The following ZBTB11 variants were observed in gnomAD, a reference collection of about 807,000 sequenced individuals.
The protein encoded by ZBTB11 is zinc finger and BTB domain-containing protein 11.
ZBTB11 carries 68 observed loss-of-function variants against 113.1 expected under a neutral mutation model. The observed-to-expected ratio is 0.60, with a 90% CI of 0.49 to 0.74. ZBTB11 has a LOEUF of 0.74. Among genes scored for constraint, ZBTB11 ranks in the 30% least tolerant of loss-of-function variants. The pLI is 0.00. For synonymous variants in ZBTB11, 518 were observed against 452.6 expected, an observed-to-expected ratio of 1.14 and a Z score of -1.83; for missense variants, 1,104 against 1,279.4, an observed-to-expected ratio of 0.86 and a Z score of 2.09.
At position 101,671,393 on chromosome 3, in the gene ZBTB11, A is replaced by G. The variant is rs188155475; in HGVS notation, c.547-32T>C. On this transcript the variant is annotated intron_variant, in intron 2 of 10. Transcript: ENST00000312938. Reference sequence around the variant, plus strand: ...AAATAAGTTTGAGAGCAAGAGTAACATATTACCTGTATTTTTTACCCTTAA... The same window carrying G: ...AAATAAGTTTGAGAGCAAGAGTAACGTATTACCTGTATTTTTTACCCTTAA... 1,639 of 1,537,178 alleles carry G rather than the reference A, an allele frequency of 1.1e-3. 3 individuals are homozygous for G. Among genetic ancestry groups the G allele is most frequent in the Non-Finnish European group, 1.3e-3 (1,488 of 1,112,488 alleles).
chr3:101,668,683 T>G (rs1576651445), intron 3 of ZBTB11, among the ~76,000 whole-genome samples: 1 of 152,108 alleles, frequency 6.6e-6, no homozygotes, highest in Non-Finnish European at 1.5e-5. Flanking sequence ...AGGTGAATGT[T>G]TGAGGTGATA....
At chr3:101,659,003 C>T (rs1305302020) in intron 6 of ZBTB11, among the ~76,000 whole-genome samples, 1 of 152,144 alleles carries the variant, frequency 6.6e-6, no homozygotes, top group African/African-American at 2.4e-5. Context: ...CTTTGGGAGC[C>T]TGACGTAGGA....
chr3:101,654,941 G>T, intron 7 of ZBTB11, 120 bp from the exon 8 acceptor site: 1 of 681,524 alleles, frequency 1.5e-6, no homozygotes, highest in Non-Finnish European at 2.5e-6. Context: ...GCAGTGGCGT[G>T]ATCTCGGCTC....
rs756449961 is a variant in ZBTB11, at chr3:101,664,963, C to T, written c.1623+1G>A. 1 of 1,607,104 alleles carries T rather than the reference C, an allele frequency of 6.2e-7. No homozygotes were observed. Among genetic ancestry groups the T allele is most frequent in the South Asian group, 1.1e-5 (1 of 90,206 alleles). ...AAAGGTCAACCCTTCTTACATCATA[C>T]CTGTTGAACTGCTGACTTGGGAACG... On this transcript the variant is annotated splice_donor_variant, in intron 4 of 10. Transcript: ENST00000312938. LOFTEE classifies it high-confidence loss of function.
intron 8 of ZBTB11, among the ~76,000 whole-genome samples, chr3:101,653,959 C>T (rs1936749644): frequency 6.6e-6 from 1 of 152,136 alleles, no homozygotes; most frequent in Admixed American, 6.6e-5. Flanking sequence ...GAACTCCTGG[C>T]CTTAAGCGAT....
chr3:101,653,663 C>T (rs1181087182), intron 8 of ZBTB11, among the ~76,000 whole-genome samples: 5 of 152,052 alleles, frequency 3.3e-5, no homozygotes, highest in Non-Finnish European at 7.4e-5. Context: ...GTAACATCAA[C>T]AAATACATCA....
rs778209173 is a variant in ZBTB11 at position 101,671,160 on chromosome 3, A to G, written c.748T>C (p.Ser250Pro). 6.2e-7 allele frequency: 1 copy of G among 1,614,202 alleles called. No individual in the cohort carries two copies. The highest frequency in any genetic ancestry group is 1.7e-5 in the Admixed American group (1 of 60,032). Residue 250 changes from serine (S) to proline (P), a missense_variant, in exon 3 of 11, where the codon TCC (serine) becomes CCC (proline). By Grantham distance (74) the Ser-to-Pro change is moderately conservative. Transcript: ENST00000312938. ...AGATCCACCACAGCCTCATGACTGG[A>G]AACAGCTCCTTTCTCAATAAAAAGA... Reference protein sequence around the residue: ...RDLFIEKGAVSSHEAVVDLSG... With the variant: ...RDLFIEKGAVPSHEAVVDLSG...
chr3:101,666,269 G>A (rs1380370313), intron 3 of ZBTB11, among the ~76,000 whole-genome samples: 1 of 152,122 alleles, frequency 6.6e-6, no homozygotes, highest in Non-Finnish European at 1.5e-5. Flanking sequence ...AGTATTCTAT[G>A]ACTAAAAGTA....
chr3:101,654,217 T>C (rs1936754721), intron 8 of ZBTB11, among the ~76,000 whole-genome samples: 1 of 152,124 alleles, frequency 6.6e-6, no homozygotes, highest in Admixed American at 6.5e-5. Context: ...ATTTTGGTAT[T>C]CTTAGTAGAG....
At chr3:101,667,647 T>G (rs1486008448) in intron 3 of ZBTB11, among the ~76,000 whole-genome samples, 2 of 152,188 alleles carry the variant, frequency 1.3e-5, no homozygotes, top group Non-Finnish European at 2.9e-5. Flanking sequence ...CAGCCATTCC[T>G]AGGAAAGCTA....
chr3:101,652,139 A>G (rs1936715124), intron 10 of ZBTB11, among the ~76,000 whole-genome samples: 2 of 152,070 alleles, frequency 1.3e-5, no homozygotes, highest in African/African-American at 4.8e-5. Flanking sequence ...AAAAAAAAAA[A>G]GAATAAACAA....
chr3:101,651,400 T>C lies in ZBTB11; in HGVS notation c.2928A>G (p.Glu976=), dbSNP rs750642606. ...SILTAGMQEQ[E]SSGPQELETV... ...TCTCAAGTTCTTGAGGACCACTGCT[T>C]TCTTGTTCCTGCATGCCTGCTGTTA... The change falls in exon 11 of 11, where the codon GAA becomes GAG. Residue 976 remains glutamate, a synonymous_variant. Transcript: ENST00000312938. The C allele has an allele frequency of 3.0e-5, 48 of 1,614,006 alleles. No individual in the cohort carries two copies. The highest frequency in any genetic ancestry group is 4.0e-5 in the Non-Finnish European group (47 of 1,180,002).
chr3:101,660,172 A>G (rs1394491753), intron 5 of ZBTB11, 144 bp from the exon 6 acceptor site: 4 of 797,642 alleles, frequency 5.0e-6, no homozygotes, highest in Non-Finnish European at 7.7e-6. Context: ...ACTAGATTGT[A>G]AAGATAAAAG....
chr3:101,676,595 T>G lies in ZBTB11; in HGVS notation c.310+10A>C. Reference sequence around the variant, plus strand: ...GCCAGCCCGCCCCCTCGCCGCGGGCTAGGTCTCACCTCGCCACCAGTACGT... The same window carrying G: ...GCCAGCCCGCCCCCTCGCCGCGGGCGAGGTCTCACCTCGCCACCAGTACGT... On this transcript the variant is annotated intron_variant, in intron 1 of 10. Coordinates refer to ENST00000312938, the MANE Select transcript of ZBTB11 (RefSeq NM_014415.4). 6.7e-7 allele frequency: 1 copy of G among 1,488,428 alleles called. No homozygotes were observed. The highest frequency in any genetic ancestry group is 8.9e-7 in the Non-Finnish European group (1 of 1,118,870). The allele number at this position is 1,488,428 out of a possible 1,614,324, so 92.2% of individuals were successfully genotyped here.
rs754378494 is a variant in ZBTB11, at chr3:101,676,904, T to C, written c.11A>G (p.Glu4Gly). ...ACGCAGGATGGCCCGGTAGCTTTCC[T>C]CGCTTGACATCGCGGACCGCGGCTC... MSS[E>G]ESYRAILRYL... is the part of the protein sequence containing the mutation. Residue 4 changes from glutamate (E) to glycine (G), a missense_variant, in exon 1 of 11, where the codon GAG becomes GGG. By Grantham distance (98) the Glu-to-Gly change is moderately conservative. Around this residue, in one of 5 missense-constraint regions of ZBTB11, gnomAD observed 245 missense variants for 272.5 expected, o/e 0.90. Coordinates refer to ENST00000312938, the MANE Select transcript of ZBTB11 (RefSeq NM_014415.4). 2.6e-5 allele frequency: 41 copies of C among 1,567,714 alleles called. No individual in the cohort carries two copies. Among genetic ancestry groups the C allele is most frequent in the Middle Eastern group, 1.7e-4 (1 of 5,888 alleles).
At chr3:101,674,133 C>T (rs1325452712) in intron 1 of ZBTB11, among the ~76,000 whole-genome samples, 2 of 148,172 alleles carry the variant, frequency 1.3e-5, no homozygotes, top group Non-Finnish European at 3.0e-5. Context: ...GTAAGAAGTT[C>T]GAGACAAGCC....
chr3:101,668,619 T>TC (rs1553779399), intron 3 of ZBTB11, among the ~76,000 whole-genome samples: 1 of 93,314 alleles, frequency 1.1e-5, no homozygotes, highest in Admixed American at 1.1e-4. Context: ...TAAGATTCTG[T>TC]CAAAAAAAAA....
At chr3:101,676,097 G>C (rs1327846261) in intron 1 of ZBTB11, among the ~76,000 whole-genome samples, 1 of 152,244 alleles carries the variant, frequency 6.6e-6, no homozygotes, top group African/African-American at 2.4e-5. Context: ...CAAAATTTGA[G>C]GAACACTAGC....
rs1217517246 is a variant in ZBTB11, at chr3:101,676,671, G to T, written c.244C>A (p.Pro82Thr). ...RDLIEAAHLG[P>T]GGTHHTRHQT... ...TGCCGGGTGTGGTGAGTGCCGCCGG[G>T]ACCCAGGTGCGCCGCCTCGATGAGG... The change falls in exon 1 of 11, where the codon CCC becomes ACC. Residue 82 changes from proline to threonine, a missense_variant. By Grantham distance (38) the Pro-to-Thr change is conservative (BLOSUM62 -1). Coordinates refer to ENST00000312938, the MANE Select transcript of ZBTB11 (RefSeq NM_014415.4). 2.5e-6 allele frequency: 4 copies of T among 1,592,322 alleles called. No individual in the cohort carries two copies. The highest frequency in any genetic ancestry group is 3.4e-6 in the Non-Finnish European group (4 of 1,167,974).
Sources: allele counts gnomAD v4.1 joint callset (sites outside exome capture counted in the v4.1 genomes callset), GRCh38; gene constraint gnomAD v4.1.1; regional missense constraint gnomAD v4.1.1; transcripts MANE v1.5; gene names NCBI Gene and HGNC (gene_info 2026-07-23, HGNC 2026-07-21).